Variants in RBM25 observed in about 807,000 individuals in gnomAD.
RBM25 encodes RNA-binding protein 25.
RBM25 carries 19 observed loss-of-function variants against 120.7 expected under a neutral mutation model. That is an observed-to-expected ratio of 0.16 (90% CI 0.11 to 0.23). The LOEUF (loss-of-function observed/expected upper bound fraction) is 0.23, where lower values mean the gene tolerates loss of function less well. Ranked by LOEUF, RBM25 falls within the 10% of genes least tolerant of loss-of-function variation. RBM25 has a pLI of 1.00. For missense variants in RBM25, 605 were observed against 1,041.5 expected, an observed-to-expected ratio of 0.58 and a Z score of 5.77; for synonymous variants, 390 against 326.7, an observed-to-expected ratio of 1.19 and a Z score of -2.09.
At chr14:73,114,150 A>T in intron 17 of RBM25, 136 bp from the exon 18 acceptor site, 1 of 604,692 alleles carries the variant, frequency 1.7e-6, no homozygotes. Context: ...TATTCTGAAA[A>T]TTAAAACATT....
At position 73,096,944 on chromosome 14, in the gene RBM25, C is replaced by A; in HGVS notation, c.573C>A (p.Asp191Glu). 6.2e-7 allele frequency: 1 copy of A among 1,612,470 alleles called. No homozygotes were observed. The highest frequency in any genetic ancestry group is 8.5e-7 in the Non-Finnish European group (1 of 1,179,624). The change falls in exon 7 of 19, where the codon GAC becomes GAA. Residue 191 changes from aspartate (D) to glutamate (E), a missense_variant. Asp to Glu is a conservative substitution (Grantham distance 45). Transcript: ENST00000261973. Reference sequence around the variant, plus strand: ...CAAGGCCAGAAACTGTCACTAATGACGATGAAGAAGCCTTGGATGAAGAAA... The same window carrying A: ...CAAGGCCAGAAACTGTCACTAATGAAGATGAAGAAGCCTTGGATGAAGAAA... The part of the protein sequence containing the change: ...GNARPETVTN[D>E]DEEALDEETK...
rs764063990 is a variant in RBM25, at chr14:73,099,743, C to T, written c.860C>T (p.Thr287Ile). ...ISREISKFRD[T>I]HKKLEEEKGK... is the part of the protein sequence containing the mutation. ...CGAGAGATCAGCAAATTCAGAGACA[C>T]ACATAAGGTAGTATTCTTGTCTTTT... Residue 287 changes from threonine (T) to isoleucine (I), a missense_variant, in exon 9 of 19, where the codon ACA becomes ATA. By Grantham distance (89) the Thr-to-Ile change is moderately conservative. Coordinates refer to ENST00000261973, the MANE Select transcript of RBM25 (RefSeq NM_021239.3). 5 of 1,608,036 alleles carry T rather than the reference C, an allele frequency of 3.1e-6. No individual in the cohort carries two copies. Among genetic ancestry groups the T allele is most frequent in the Non-Finnish European group, 4.2e-6 (5 of 1,178,554 alleles).
chr14:73,100,055 G>A, intron 9 of RBM25: 1 of 462,814 alleles, frequency 2.2e-6, no homozygotes. Context: ...TTAGATTCAG[G>A]GGGCAGCAGG....
In RBM25 at chr14:73,110,996, A is replaced by G; in HGVS notation, c.1858A>G (p.Ile620Val). 2 of 1,614,114 alleles carry G rather than the reference A, an allele frequency of 1.2e-6. No homozygotes were observed. The highest frequency in any genetic ancestry group is 1.7e-6 in the Non-Finnish European group (2 of 1,179,974). Residue 620 changes from isoleucine (I) to valine (V), a missense_variant, in exon 15 of 19, where the codon ATC (isoleucine) becomes GTC (valine). Ile to Val is a conservative substitution (Grantham distance 29). Coordinates refer to ENST00000261973, the MANE Select transcript of RBM25 (RefSeq NM_021239.3). ...KPCLKPTLRPISSAPSVSSAS... is the reference protein window; with the variant it reads ...KPCLKPTLRPVSSAPSVSSAS... ...TTGTCTGAAACCTACTCTGAGGCCC[A>G]TCAGCTCTGCTCCATCTGTTTCCTC... is the stretch of plus-strand genomic sequence containing the variant.
At chr14:73,105,174 C>A (rs1048583864) in intron 10 of RBM25, among the ~76,000 whole-genome samples, 1 of 132,196 alleles carries the variant, frequency 7.6e-6, no homozygotes, top group Non-Finnish European at 1.5e-5. Flanking sequence ...GTGATACAGT[C>A]ATAGGTCACT....
chr14:73,119,960 C>T lies in RBM25; in HGVS notation c.*155C>T, dbSNP rs1286754246. On this transcript the variant is annotated 3_prime_UTR_variant, in exon 19 of 19. Coordinates refer to ENST00000261973, the MANE Select transcript of RBM25 (RefSeq NM_021239.3). Reference sequence around the variant, plus strand: ...TTTGGTCCTCTAATTTGTTGTTGCCCTGTGTACTCCCTTGGTTGTAAAGTC... The same window carrying T: ...TTTGGTCCTCTAATTTGTTGTTGCCTTGTGTACTCCCTTGGTTGTAAAGTC... 5.4e-6 allele frequency: 6 copies of T among 1,102,914 alleles called. No individual in the cohort carries two copies. Among genetic ancestry groups the T allele is most frequent in the Non-Finnish European group, 7.3e-6 (6 of 819,136 alleles). The allele number at this position is 1,102,914 out of a possible 1,614,324, so 68.3% of individuals were successfully genotyped here.
At chr14:73,088,268 A>G in intron 6 of RBM25, 107 bp downstream of exon 6, 1 of 1,398,968 alleles carries the variant, frequency 7.1e-7, no homozygotes, top group Admixed American at 1.7e-5. Flanking sequence ...ATCATCATGT[A>G]TGTGCTTGTG....
At chr14:73,074,080 C>T (rs1370648748) in intron 2 of RBM25, among the ~76,000 whole-genome samples, 3 of 152,164 alleles carry the variant, frequency 2.0e-5, no homozygotes, top group Admixed American at 1.3e-4. Flanking sequence ...TAGTTATCAG[C>T]CATCAAACAG....
At chr14:73,078,173 T>G (rs923585034) in intron 4 of RBM25, among the ~76,000 whole-genome samples, 13 of 151,932 alleles carry the variant, frequency 8.6e-5, no homozygotes, top group Non-Finnish European at 1.9e-4. Context: ...CGTGGTGGCG[T>G]GTGCCTGTAA....
chr14:73,066,734 T>G (rs1181341739), intron 1 of RBM25, among the ~76,000 whole-genome samples: 2 of 152,042 alleles, frequency 1.3e-5, no homozygotes, highest in East Asian at 3.9e-4. Flanking sequence ...TTTCTGAAAT[T>G]GAAGTTTAGT....
chr14:73,070,192 C>T (rs1436622903), intron 1 of RBM25, among the ~76,000 whole-genome samples: 1 of 151,734 alleles, frequency 6.6e-6, no homozygotes. Flanking sequence ...GGATTACAGG[C>T]GCACACCACC....
chr14:73,097,489 G>A (rs1366672376), intron 7 of RBM25, among the ~76,000 whole-genome samples: 2 of 152,028 alleles, frequency 1.3e-5, no homozygotes, highest in Non-Finnish European at 2.9e-5. Flanking sequence ...GTGAGCCACC[G>A]TGCCCGGCCA....
chr14:73,085,364 A>G (rs1895661002), intron 5 of RBM25, among the ~76,000 whole-genome samples: 1 of 148,866 alleles, frequency 6.7e-6, no homozygotes, highest in Non-Finnish European at 1.5e-5. Context: ...TTATTGAGGA[A>G]CAAATCTTTT....
chr14:73,120,401 C>T lies in RBM25; in HGVS notation c.*596C>T, dbSNP rs1054245674. The T allele has an allele frequency of 6.6e-6, 1 of 152,654 alleles. No homozygotes were observed. The highest frequency in any genetic ancestry group is 1.5e-5 in the Non-Finnish European group (1 of 68,088). The allele number at this position is 152,654 out of a possible 1,614,324, so 9.5% of individuals were successfully genotyped here. A position where few individuals can be genotyped will look rare whatever the true frequency, so the allele number is the denominator to read the frequency against. On this transcript the variant is annotated 3_prime_UTR_variant, in exon 19 of 19. Coordinates refer to ENST00000261973, the MANE Select transcript of RBM25 (RefSeq NM_021239.3). ...CTTTGGTGGGGTCCTTAAAACATTT[C>T]CCAACTAAAGAATAGAATTGTAAAG...
chr14:73,066,981 G>A (rs1194259261), intron 1 of RBM25, among the ~76,000 whole-genome samples: 1 of 152,018 alleles, frequency 6.6e-6, no homozygotes, highest in Non-Finnish European at 1.5e-5. Flanking sequence ...ATGAGGAAAG[G>A]GCATACCCAT....
chr14:73,063,905 A>C (rs1177882511), intron 1 of RBM25, among the ~76,000 whole-genome samples: 1 of 151,338 alleles, frequency 6.6e-6, no homozygotes, highest in East Asian at 1.9e-4. Flanking sequence ...CTCAGTATTT[A>C]TTTCTGATTT....
In RBM25 at chr14:73,068,323, G is replaced by C. The variant is rs981406527; in HGVS notation, c.-15-3304G>C. ...GTGAGTACCAAAGGATTTCATGGTT[G>C]GAAGGTGTGCCTTTTCGTCTTGGCA... On this transcript the variant is annotated intron_variant, in intron 1 of 18. Transcript: ENST00000261973. 5.3e-6 allele frequency: 4 copies of C among 757,946 alleles called. No homozygotes were observed. The Admixed American group carries it at 5.7e-5, about 11-fold the overall frequency. 47.0% of individuals were successfully genotyped at this position (757,946 alleles called of 1,614,324 possible).
At chr14:73,078,821 C>G (rs1051148383) in intron 4 of RBM25, among the ~76,000 whole-genome samples, 3 of 152,086 alleles carry the variant, frequency 2.0e-5, no homozygotes, top group Admixed American at 2.0e-4. Flanking sequence ...CCAGACTTGT[C>G]TTGAACTCCT....
Position 73,059,002 on chromosome 14 carries a change from G to C in RBM25, c.-16+297G>C, listed in dbSNP as rs145834802. ...TCCACGTTCCGCCGCGGAGTGAATC[G>C]TCTCTGCCCCCCCTGGGCTCCACGT... is the stretch of plus-strand genomic sequence containing the variant. On this transcript the variant is annotated intron_variant, in intron 1 of 18. Transcript: ENST00000261973. Among the ~76,000 whole-genome samples, 528 of 152,090 alleles carry C rather than the reference G, an allele frequency of 3.5e-3. 3 individuals carry two copies. Among genetic ancestry groups the C allele is most frequent in the Middle Eastern group, 6.8e-3 (2 of 294 alleles).
Sources: allele counts gnomAD v4.1 joint callset (sites outside exome capture counted in the v4.1 genomes callset), GRCh38; gene constraint gnomAD v4.1.1; transcripts MANE v1.5; gene names NCBI Gene and HGNC (gene_info 2026-07-23, HGNC 2026-07-21).